C12orf75: variants seen among roughly 807,000 people sequenced by gnomAD.
The protein encoded by C12orf75 is overexpressed in colon carcinoma 1 protein.
In C12orf75, 4 loss-of-function variants were observed where a neutral mutation model predicts 11.4. The observed-to-expected ratio is 0.35, with a 90% confidence interval of 0.17 to 0.80. The LOEUF is 0.80. C12orf75 is among the 30% of genes least tolerant of loss of function. C12orf75 has a pLI of 0.52. For missense variants in C12orf75, 89 were observed against 80.4 expected (o/e 1.11, Z -0.41); for synonymous variants, 30 against 30.0 (o/e 1.00, Z 0.00).
chr12:105,339,067 A>AT (rs1355939264), intron 1 of C12orf75, among the ~76,000 whole-genome samples: 1 of 152,112 alleles, frequency 6.6e-6, no homozygotes, highest in Non-Finnish European at 1.5e-5. Context: ...ATGAATCTGT[A>AT]TTTTTTTATT....
chr12:105,365,569 G>T lies in C12orf75; in HGVS notation c.72-238G>T, dbSNP rs74420706. Among the ~76,000 whole-genome samples the T allele has an allele frequency of 2.1e-3, 326 of 152,314 alleles. 5 individuals carry two copies. In the East Asian group the frequency reaches 0.027, roughly 12 times the overall value. ...CAGTTGTGCATTTTGGCATTTGCTG[G>T]ATTCACACATTTTGGTTTGTAGAAA... On this transcript the variant is annotated intron_variant, in intron 2 of 5. Coordinates refer to ENST00000443585, the MANE Select transcript of C12orf75 (RefSeq NM_001145199.2).
At chr12:105,362,194 G>T (rs1248153120) in intron 2 of C12orf75, among the ~76,000 whole-genome samples, 2 of 151,930 alleles carry the variant, frequency 1.3e-5, no homozygotes, top group African/African-American at 4.8e-5. Context: ...AGACCATCCT[G>T]GCTAAAACGG....
rs1871611436 is a variant in C12orf75 at position 105,371,029 on chromosome 12, A to G, written c.*429A>G. On this transcript the variant is annotated 3_prime_UTR_variant, in exon 6 of 6. Transcript: ENST00000443585. ...TATTTATAACTTAAGATGATAAGGC[A>G]CTATAAATTAATGACCTAAAATAAT... 6.1e-6 allele frequency: 1 copy of G among 163,786 alleles called. No individual in the cohort carries two copies. Among genetic ancestry groups the G allele is most frequent in the South Asian group, 1.7e-4 (1 of 5,952 alleles). 10.1% of individuals were successfully genotyped at this position (163,786 alleles called of 1,614,324 possible). A position where few individuals can be genotyped will look rare whatever the true frequency, so the allele number is the denominator to read the frequency against.
At chr12:105,351,192 TTAAGA>T (rs1892709494) in intron 2 of C12orf75, among the ~76,000 whole-genome samples, 1 of 152,184 alleles carries the variant, frequency 6.6e-6, no homozygotes, top group Non-Finnish European at 1.5e-5. Context: ...AGCTAAGAAA[TTAAGA>T]TGACACTTAA....
intron 2 of C12orf75, among the ~76,000 whole-genome samples, chr12:105,359,787 A>AT (rs889514509): frequency 1.3e-5 from 2 of 151,848 alleles, no homozygotes; most frequent in African/African-American, 4.8e-5. Context: ...AAAAAAAAAA[A>AT]AAAAAGATTA....
At chr12:105,362,065 GA>G (rs748648228) in intron 2 of C12orf75, among the ~76,000 whole-genome samples, 12 of 152,150 alleles carry the variant, frequency 7.9e-5, no homozygotes, top group Admixed American at 4.6e-4. Context: ...TCTTGTTTCT[GA>G]CTTTTCTTGA....
At chr12:105,339,742 G>A (rs1387718062) in intron 1 of C12orf75, among the ~76,000 whole-genome samples, 1 of 151,460 alleles carries the variant, frequency 6.6e-6, no homozygotes, top group Non-Finnish European at 1.5e-5. Context: ...TCAGCCTCCC[G>A]AGTAGCTGGG....
intron 2 of C12orf75, among the ~76,000 whole-genome samples, chr12:105,359,844 C>T (rs554805560): frequency 1.3e-5 from 2 of 151,270 alleles, no homozygotes; most frequent in East Asian, 1.9e-4. Context: ...TGTCCATTTG[C>T]TCCTTTTCTA....
intron 1 of C12orf75, among the ~76,000 whole-genome samples, chr12:105,335,503 T>G (rs1231549088): frequency 2.0e-5 from 3 of 152,260 alleles, no homozygotes; most frequent in Non-Finnish European, 4.4e-5. Context: ...CATGCTGAAC[T>G]CATTCTTGTT....
At chr12:105,358,393 C>T (rs1892814728) in intron 2 of C12orf75, among the ~76,000 whole-genome samples, 3 of 151,998 alleles carry the variant, frequency 2.0e-5, no homozygotes, top group South Asian at 4.2e-4. Context: ...GCGGGGTGTG[C>T]GCCTGTGGTG....
chr12:105,356,822 G>A (rs1892788037), intron 2 of C12orf75, among the ~76,000 whole-genome samples: 1 of 152,140 alleles, frequency 6.6e-6, no homozygotes, highest in Non-Finnish European at 1.5e-5. Flanking sequence ...GGAAGAAAAA[G>A]ATTCATATTT....
At chr12:105,346,820 G>C (rs1351001010) in intron 1 of C12orf75, among the ~76,000 whole-genome samples, 2 of 152,156 alleles carry the variant, frequency 1.3e-5, no homozygotes, top group Non-Finnish European at 2.9e-5. Context: ...TACTTACTTT[G>C]TAGCACATCT....
intron 1 of C12orf75, among the ~76,000 whole-genome samples, chr12:105,331,597 C>T (rs1892425688): frequency 7.4e-6 from 1 of 134,918 alleles, no homozygotes; most frequent in Non-Finnish European, 1.6e-5. Context: ...ATTAAACACA[C>T]ACACACACAC....
chr12:105,361,802 C>A (rs1161891187), intron 2 of C12orf75, among the ~76,000 whole-genome samples: 2 of 152,232 alleles, frequency 1.3e-5, no homozygotes, highest in African/African-American at 4.8e-5. Flanking sequence ...GGCAGCTCAA[C>A]ACAAGGGCTT....
At chr12:105,331,540 T>C (rs1276314407) in intron 1 of C12orf75, among the ~76,000 whole-genome samples, 1 of 152,092 alleles carries the variant, frequency 6.6e-6, no homozygotes, top group Non-Finnish European at 1.5e-5. Flanking sequence ...ATGTTTTACA[T>C]ATGTGAGACA....
chr12:105,336,849 T>C (rs1210008464), intron 1 of C12orf75, among the ~76,000 whole-genome samples: 1 of 152,124 alleles, frequency 6.6e-6, no homozygotes, highest in African/African-American at 2.4e-5. Flanking sequence ...GAAGTGATGA[T>C]GAATAAAGAG....
At position 105,330,854 on chromosome 12, in the gene C12orf75, G is replaced by T. The variant is rs991845072; in HGVS notation, c.-38G>T. The T allele has an allele frequency of 1.1e-5, 14 of 1,250,298 alleles. No individual in the cohort carries two copies. Among genetic ancestry groups the T allele is most frequent in the Non-Finnish European group, 1.4e-5 (14 of 998,768 alleles). 77.5% of individuals were successfully genotyped at this position (1,250,298 alleles called of 1,614,324 possible). A position where few individuals can be genotyped will look rare whatever the true frequency, so the allele number is the denominator to read the frequency against. Reference sequence around the variant, plus strand: ...GTCTCCGCCCCCAGGACCCGCGGCCGAGAGCTCCGGAGCGCGGCTTCCCCG... The same window carrying T: ...GTCTCCGCCCCCAGGACCCGCGGCCTAGAGCTCCGGAGCGCGGCTTCCCCG... On this transcript the variant is annotated 5_prime_UTR_variant, in exon 1 of 6. Coordinates refer to ENST00000443585, the MANE Select transcript of C12orf75 (RefSeq NM_001145199.2).
intron 2 of C12orf75, among the ~76,000 whole-genome samples, chr12:105,356,997 C>T (rs751611031): frequency 5.3e-5 from 8 of 152,126 alleles, no homozygotes; most frequent in Non-Finnish European, 1.0e-4. Context: ...GCCAGGTAGG[C>T]GAAAGCCCAC....
chr12:105,348,345 G>A (rs1430423329), intron 1 of C12orf75, among the ~76,000 whole-genome samples: 1 of 151,528 alleles, frequency 6.6e-6, no homozygotes, highest in Non-Finnish European at 1.5e-5. Flanking sequence ...AGCCCAGGAG[G>A]CAGAGGTTGC....
Sources: gnomAD v4.1 joint callset for allele counts (sites outside exome capture counted in the v4.1 genomes callset) on GRCh38, gnomAD v4.1.1 for gene constraint, MANE v1.5 for transcripts, NCBI Gene and HGNC (gene_info 2026-07-23, HGNC 2026-07-21) for gene names.